The following SLC60A2 variants were observed in gnomAD, a reference collection of about 807,000 sequenced individuals.
SLC60A2 encodes the protein solute carrier family 60 member 2.
chr6:111,266,623 C>T, the SLC60A2 span: 1 of 1,614,014 alleles, frequency 6.2e-7, no homozygotes, highest in East Asian at 2.2e-5. Context: ...CATGGGAAAT[C>T]TGCAGCATTT....
At chr6:111,275,565 A>G in the SLC60A2 span, among the ~76,000 whole-genome samples, 8 of 152,048 alleles carry the variant, frequency 5.3e-5, no homozygotes, top group African/African-American at 1.9e-4. Flanking sequence ...GTGCACCACC[A>G]CGCCCAGCTA....
At chr6:111,267,073 A>C in the SLC60A2 span, 1 of 1,613,426 alleles carries the variant, frequency 6.2e-7, no homozygotes, top group South Asian at 1.1e-5. Flanking sequence ...GGCAGTGCCC[A>C]TGTGAAGCAC....
chr6:111,273,532 C>G, the SLC60A2 span, among the ~76,000 whole-genome samples: 21 of 143,328 alleles, frequency 1.5e-4, no homozygotes, highest in African/African-American at 5.5e-4. Flanking sequence ...TGTGGTCTAT[C>G]CTGGAGAATG....
chr6:111,279,475 C>CT, the SLC60A2 span, among the ~76,000 whole-genome samples: 1 of 151,904 alleles, frequency 6.6e-6, no homozygotes, highest in Non-Finnish European at 1.5e-5. Context: ...GTCTTGATCT[C>CT]TTGACCTCGT....
chr6:111,266,511 A>G, the SLC60A2 span: 4 of 1,614,186 alleles, frequency 2.5e-6, no homozygotes, highest in Non-Finnish European at 3.4e-6. Flanking sequence ...GCTTTTTGAC[A>G]AGAACCCAAT....
chr6:111,278,560 T>A, the SLC60A2 span: 134 of 152,262 alleles, frequency 8.8e-4, 2 homozygotes, highest in African/African-American at 2.8e-3. Flanking sequence ...GCTGTTCTTG[T>A]GATAGTGAGG....
chr6:111,264,524 T>C, the SLC60A2 span, among the ~76,000 whole-genome samples: 1 of 152,132 alleles, frequency 6.6e-6, no homozygotes, highest in Non-Finnish European at 1.5e-5. Context: ...GTGCGGTGGC[T>C]CACACCTGTA....
the SLC60A2 span, chr6:111,267,045 T>A: frequency 1.9e-6 from 3 of 1,614,126 alleles, no homozygotes; most frequent in Non-Finnish European, 2.5e-6. Context: ...GGTGTTTGAG[T>A]CTTCTCCTTT....
At chr6:111,276,814 G>C in the SLC60A2 span, among the ~76,000 whole-genome samples, 1 of 152,180 alleles carries the variant, frequency 6.6e-6, no homozygotes, top group Non-Finnish European at 1.5e-5. Flanking sequence ...GCCCCTCCTT[G>C]GGACCACTCG....
the SLC60A2 span, chr6:111,259,853 C>A: frequency 4.3e-6 from 3 of 691,076 alleles, no homozygotes; most frequent in Non-Finnish European, 6.8e-6. Flanking sequence ...AGAAAATGGG[C>A]ACAATTCTAA....
At chr6:111,276,406 G>C in the SLC60A2 span, among the ~76,000 whole-genome samples, 2 of 152,182 alleles carry the variant, frequency 1.3e-5, no homozygotes, top group African/African-American at 4.8e-5. Flanking sequence ...GCTTTAGGAA[G>C]AGAATAAACA....
At chr6:111,269,199 A>G in the SLC60A2 span, 1 of 151,722 alleles carries the variant, frequency 6.6e-6, no homozygotes, top group African/African-American at 2.4e-5. Flanking sequence ...TTTTATTTTT[A>G]TTTATTTATT....
the SLC60A2 span, among the ~76,000 whole-genome samples, chr6:111,276,953 C>T: frequency 6.6e-6 from 1 of 152,032 alleles, no homozygotes; most frequent in Non-Finnish European, 1.5e-5. Flanking sequence ...TATCTCTGGT[C>T]CAGATTCCGG....
At chr6:111,266,018 CCA>C in the SLC60A2 span, 9 of 1,614,174 alleles carry the variant, frequency 5.6e-6, no homozygotes, top group East Asian at 2.2e-5. Flanking sequence ...CTGCTGAAAA[CCA>C]CACAGAGTCT....
chr6:111,261,650 A>G, the SLC60A2 span, among the ~76,000 whole-genome samples: 183 of 152,014 alleles, frequency 1.2e-3, 2 homozygotes, highest in African/African-American at 3.9e-3. Context: ...CTGGAGTGCA[A>G]TGGTGCAGTC....
At chr6:111,269,887 G>C in the SLC60A2 span, 1 of 152,168 alleles carries the variant, frequency 6.6e-6, no homozygotes, top group Admixed American at 6.5e-5. Context: ...AGTGTCTGCT[G>C]ATACCTAAGT....
the SLC60A2 span, among the ~76,000 whole-genome samples, chr6:111,272,790 G>A: frequency 6.6e-6 from 1 of 151,000 alleles, no homozygotes; most frequent in Non-Finnish European, 1.5e-5. Context: ...GGGATTACAG[G>A]TGTGAGCCAC....
At chr6:111,261,084 C>G in the SLC60A2 span, among the ~76,000 whole-genome samples, 1 of 152,228 alleles carries the variant, frequency 6.6e-6, no homozygotes, top group East Asian at 1.9e-4. Context: ...CTCTTGCTGA[C>G]ACTGCATTGA....
At chr6:111,275,166 A>C in the SLC60A2 span, among the ~76,000 whole-genome samples, 1 of 147,408 alleles carries the variant, frequency 6.8e-6, no homozygotes. Flanking sequence ...CAATCCTTCC[A>C]CCTCAGCTAG....
Sources: gnomAD v4.1 joint callset for allele counts (sites outside exome capture counted in the v4.1 genomes callset) on GRCh38, gnomAD v4.1.1 for gene constraint, MANE v1.5 for transcripts, NCBI Gene and HGNC (gene_info 2026-07-23, HGNC 2026-07-21) for gene names.